Variants in GALNT9 observed in about 807,000 individuals in gnomAD.
GALNT9 encodes the protein GalNAc transferase 9.
Under a neutral mutation model 63.1 loss-of-function variants are expected in GALNT9, and 47 were observed. That is an observed-to-expected ratio of 0.75 (90% CI 0.59 to 0.95). The LOEUF (loss-of-function observed/expected upper bound fraction) is 0.95, where lower values mean the gene tolerates loss of function less well. Ranked by LOEUF, GALNT9 falls within the 40% of genes least tolerant of loss-of-function variation. The probability of loss-of-function intolerance (pLI) is 0.00; values close to 1 mark genes in which losing one functional copy is unlikely to be tolerated. For synonymous variants in GALNT9, 396 were observed against 365.7 expected, an observed-to-expected ratio of 1.08 and a Z score of -0.94; for missense variants, 829 against 874.8, an observed-to-expected ratio of 0.95 and a Z score of 0.66.
At chr12:132,229,741 G>A (rs1369369092) in intron 6 of GALNT9, among the ~76,000 whole-genome samples, 2 of 152,240 alleles carry the variant, frequency 1.3e-5, no homozygotes, top group Non-Finnish European at 2.9e-5. Context: ...CATGGTCACC[G>A]GCATCTGTGA....
At chr12:132,306,657 C>T (rs992748088) in intron 1 of GALNT9, among the ~76,000 whole-genome samples, 12 of 152,180 alleles carry the variant, frequency 7.9e-5, no homozygotes, top group Non-Finnish European at 1.6e-4. Context: ...TCCACGCCTT[C>T]CCCCCTGCTC....
At chr12:132,214,104 G>A (rs906878599) in intron 6 of GALNT9, among the ~76,000 whole-genome samples, 1 of 152,234 alleles carries the variant, frequency 6.6e-6, no homozygotes, top group African/African-American at 2.4e-5. Flanking sequence ...GGATTACCAG[G>A]AGGGGCACTG....
At chr12:132,299,738 A>G (rs1423363064) in intron 1 of GALNT9, among the ~76,000 whole-genome samples, 25 of 130,512 alleles carry the variant, frequency 1.9e-4, no homozygotes, top group Admixed American at 1.9e-3. Flanking sequence ...ATGATAACTA[A>G]CCCACTCCCA....
chr12:132,257,733 G>C lies in GALNT9; in HGVS notation c.915C>G (p.Pro305=), dbSNP rs1318249412. 12 of 1,550,264 alleles carry C rather than the reference G, an allele frequency of 7.7e-6. No homozygotes were observed. The highest frequency in any genetic ancestry group is 1.0e-5 in the Non-Finnish European group (12 of 1,146,802). The change falls in exon 5 of 11, where the codon CCC becomes CCG. Residue 305 remains proline, a synonymous_variant. Coordinates refer to ENST00000328957, the MANE Select transcript of GALNT9 (RefSeq NM_001122636.2). ...CGCCGCGGTCCAGCCAGTCCTGCGG[G>C]GGGATGATGTACATGCACCAGAGGC... ...NWGLWCMYII[P]PQDWLDRGDE...
chr12:132,207,288 C>T (rs1565986620), intron 6 of GALNT9, among the ~76,000 whole-genome samples: 1 of 152,226 alleles, frequency 6.6e-6, no homozygotes, highest in Non-Finnish European at 1.5e-5. Flanking sequence ...CTTCTGCTCA[C>T]AGCTGCCTCC....
intron 7 of GALNT9, among the ~76,000 whole-genome samples, chr12:132,202,985 C>T (rs543174377): frequency 9.9e-5 from 15 of 152,270 alleles, no homozygotes; most frequent in African/African-American, 3.1e-4. Context: ...TGGATCCACA[C>T]GAGGGGCCCT....
intron 7 of GALNT9, among the ~76,000 whole-genome samples, chr12:132,202,047 C>T (rs549982581): frequency 3.9e-5 from 6 of 152,352 alleles, no homozygotes; most frequent in African/African-American, 1.4e-4. Context: ...ATCCCGTCAC[C>T]TTCTGGTATG....
intron 5 of GALNT9, among the ~76,000 whole-genome samples, chr12:132,249,880 C>T (rs529413569): frequency 9.8e-5 from 15 of 152,304 alleles, no homozygotes; most frequent in African/African-American, 3.4e-4. Flanking sequence ...CCCCTCGGGG[C>T]GGTTCCGCCA....
intron 2 of GALNT9, among the ~76,000 whole-genome samples, chr12:132,267,414 C>T (rs1055001479): frequency 2.6e-5 from 4 of 152,206 alleles, no homozygotes; most frequent in East Asian, 1.9e-4. Flanking sequence ...GGTGAGCAGC[C>T]GGGGGTCCTT....
rs1566012150 is a variant in GALNT9, at chr12:132,283,153, A to C, written c.419+3097T>G. The C allele has an allele frequency of 2.0e-5, 3 of 152,528 alleles. No individual in the cohort carries two copies. The East Asian group carries it at 5.8e-4, about 29-fold the overall frequency. 9.4% of individuals were successfully genotyped at this position (152,528 alleles called of 1,614,324 possible). A position where few individuals can be genotyped will look rare whatever the true frequency, so the allele number is the denominator to read the frequency against. On this transcript the variant is annotated intron_variant, in intron 2 of 10. Transcript: ENST00000328957. ...AGGGCCCCCGCCGGCCAACAAGACCAAGGTCACGCACAGCGGTGCTGGGAT... is the reference window on the plus strand; with the variant it reads ...AGGGCCCCCGCCGGCCAACAAGACCCAGGTCACGCACAGCGGTGCTGGGAT...
chr12:132,250,354 C>T (rs567362367), intron 5 of GALNT9, among the ~76,000 whole-genome samples: 23 of 152,292 alleles, frequency 1.5e-4, no homozygotes, highest in South Asian at 1.5e-3. Flanking sequence ...TGCTTTGGAA[C>T]GAGACGGAGG....
At chr12:132,240,514 G>T (rs542289303) in intron 6 of GALNT9, 1 of 428,230 alleles carries the variant, frequency 2.3e-6, no homozygotes, top group Non-Finnish European at 4.6e-6. Flanking sequence ...CACTCCAGTC[G>T]CTGGCAGTGC....
intron 9 of GALNT9, 98 bp from the exon 10 acceptor site, chr12:132,198,057 G>T (rs1334075650): frequency 5.0e-6 from 5 of 1,009,778 alleles, no homozygotes; most frequent in East Asian, 5.2e-5. Context: ...TGCAAACGGG[G>T]CCCTGCGCGG....
chr12:132,326,219 T>C (rs1471628370), intron 1 of GALNT9, among the ~76,000 whole-genome samples: 2 of 152,254 alleles, frequency 1.3e-5, no homozygotes, highest in African/African-American at 4.8e-5. Context: ...CTCTGAAATT[T>C]AGCGTTTATG....
intron 1 of GALNT9, among the ~76,000 whole-genome samples, chr12:132,328,103 C>G (rs1185365023): frequency 1.3e-5 from 2 of 152,160 alleles, no homozygotes; most frequent in Non-Finnish European, 2.9e-5. Flanking sequence ...CCTGGCGCCC[C>G]GGTGCAGAGT....
In GALNT9 at chr12:132,310,857, C is replaced by G. The variant is rs981323324; in HGVS notation, c.238+18109G>C. 2.0e-5 allele frequency among the ~76,000 whole-genome samples: 3 copies of G among 152,192 alleles called. No individual in the cohort carries two copies. The highest frequency in any genetic ancestry group is 4.4e-5 in the Non-Finnish European group (3 of 68,040). ...GGAGGTGATCCCCAAACAGCCCAAACCCGGCTGTCCTGTTTTGGAGCCTCC... is the reference window on the plus strand; with the variant it reads ...GGAGGTGATCCCCAAACAGCCCAAAGCCGGCTGTCCTGTTTTGGAGCCTCC... On this transcript the variant is annotated intron_variant, in intron 1 of 10. Coordinates refer to ENST00000328957, the MANE Select transcript of GALNT9 (RefSeq NM_001122636.2). This position sits in a 1 kb window ranked among gnomAD's most constrained non-coding sequence, Gnocchi z 4.8.
At chr12:132,230,461 G>C (rs999140239) in intron 6 of GALNT9, among the ~76,000 whole-genome samples, 1 of 152,226 alleles carries the variant, frequency 6.6e-6, no homozygotes, top group Non-Finnish European at 1.5e-5. Flanking sequence ...CCAGATCGAC[G>C]GGCATAGAAA....
At chr12:132,259,524 G>A (rs901747065) in intron 4 of GALNT9, among the ~76,000 whole-genome samples, 1 of 152,314 alleles carries the variant, frequency 6.6e-6, no homozygotes, top group Middle Eastern at 3.4e-3. Flanking sequence ...AGGAGGCAGC[G>A]TCTTGTCAGA....
At chr12:132,201,009 G>T in intron 8 of GALNT9, 115 bp downstream of exon 8, 1 of 1,036,918 alleles carries the variant, frequency 9.6e-7, no homozygotes, top group Non-Finnish European at 1.4e-6. Context: ...TCTGGGGGAG[G>T]CGCTACCTCT....
Sources: allele counts gnomAD v4.1 joint callset (sites outside exome capture counted in the v4.1 genomes callset), GRCh38; gene constraint gnomAD v4.1.1; non-coding constraint Gnocchi (gnomAD v3.1); transcripts MANE v1.5; gene names NCBI Gene and HGNC (gene_info 2026-07-23, HGNC 2026-07-21).